Variants in ABI1 observed in about 807,000 individuals in gnomAD.
ABI1 encodes Abelson interactor 1.
ABI1 carries 14 observed loss-of-function variants against 54.6 expected under a neutral mutation model. The ratio of observed to expected loss-of-function variants is 0.26; its 90% CI spans 0.17 to 0.40. The LOEUF is 0.40. Ranked by LOEUF, ABI1 falls within the 10% of genes least tolerant of loss-of-function variation. The probability of loss-of-function intolerance (pLI) is 1.00; values close to 1 mark genes in which losing one functional copy is unlikely to be tolerated. For synonymous variants in ABI1, 194 were observed against 209.3 expected (o/e 0.93, Z 0.63); for missense variants, 443 against 598.3 (o/e 0.74, Z 2.71).
intron 1 of ABI1, among the ~76,000 whole-genome samples, chr10:26,828,013 C>A (rs1478354181): frequency 2.6e-5 from 4 of 152,230 alleles, no homozygotes; most frequent in African/African-American, 7.2e-5. Context: ...TAACGTTTGG[C>A]CTATCTCAGC....
At chr10:26,772,474 T>A (rs1417430929) in intron 3 of ABI1, among the ~76,000 whole-genome samples, 2 of 152,078 alleles carry the variant, frequency 1.3e-5, no homozygotes, top group Admixed American at 6.6e-5. Flanking sequence ...AACAAAAAAA[T>A]TAGCATTCAA....
intron 7 of ABI1, chr10:26,763,993 A>G (rs1839578772): frequency 1.3e-6 from 2 of 1,534,172 alleles, no homozygotes; most frequent in Non-Finnish European, 1.8e-6. Flanking sequence ...AGGTCAGAGT[A>G]CAAGAAAAGA....
chr10:26,758,609 C>T (rs757176137), intron 8 of ABI1, among the ~76,000 whole-genome samples: 5 of 152,102 alleles, frequency 3.3e-5, no homozygotes, highest in African/African-American at 4.8e-5. Flanking sequence ...GAACTCATTT[C>T]TGAACACGTT....
intron 6 of ABI1, 142 bp from the exon 7 acceptor site, chr10:26,765,460 C>T (rs919072349): frequency 7.7e-6 from 5 of 649,314 alleles, no homozygotes; most frequent in Non-Finnish European, 1.3e-5. Flanking sequence ...TTTCAAGAGC[C>T]CCCTTGGATA....
At chr10:26,766,159 T>G (rs1326347655) in intron 6 of ABI1, among the ~76,000 whole-genome samples, 1 of 152,168 alleles carries the variant, frequency 6.6e-6, no homozygotes, top group Non-Finnish European at 1.5e-5. Context: ...TTCTGGAAAA[T>G]AAGCATAACG....
Position 26,860,484 on chromosome 10 carries a change from G to A in ABI1, c.117+263C>T, listed in dbSNP as rs1589116868. Among the ~76,000 whole-genome samples the A allele has an allele frequency of 5.3e-5, 8 of 152,322 alleles. No individual in the cohort carries two copies. The East Asian group carries it at 1.5e-3, about 29-fold the overall frequency. On this transcript the variant is annotated intron_variant, in intron 1 of 10. Transcript: ENST00000376140. The surrounding 1 kb of genome is among the most constrained non-coding windows in gnomAD (Gnocchi z 4.1). The stretch of plus-strand genomic sequence containing the variant: ...AGGGGGGCGCCGGGCTGCGGCAGCG[G>A]CGGGCTCCCGGCTCCCTCGCCCATT...
At chr10:26,770,772 C>G (rs1169859613) in intron 4 of ABI1, among the ~76,000 whole-genome samples, 1 of 152,130 alleles carries the variant, frequency 6.6e-6, no homozygotes, top group Admixed American at 6.5e-5. Context: ...CATATGATGT[C>G]TGGGAAACCT....
rs962033355 is a variant in ABI1, at chr10:26,860,751, A to G, written c.113T>C (p.Ile38Thr). 1 of 1,612,170 alleles carries G rather than the reference A, an allele frequency of 6.2e-7. No individual in the cohort carries two copies. The highest frequency in any genetic ancestry group is 8.5e-7 in the Non-Finnish European group (1 of 1,178,466). ...RVADYCENNY[I>T]QATDKRKALE... is the part of the protein sequence containing the mutation. ...CCGGCCGCCAGAGCGCCTCACCTGT[A>G]TGTAGTTGTTTTCACAGTAGTCTGC... The change falls in exon 1 of 11, where the codon ATA becomes ACA. Residue 38 changes from isoleucine (I) to threonine (T), a missense_variant. Transcript: ENST00000376140. The surrounding 1 kb of genome is among the most constrained non-coding windows in gnomAD (Gnocchi z 4.1).
At chr10:26,849,560 T>C (rs543797576) in intron 1 of ABI1, among the ~76,000 whole-genome samples, 4 of 152,352 alleles carry the variant, frequency 2.6e-5, no homozygotes, top group African/African-American at 9.6e-5. Flanking sequence ...AACACCATTA[T>C]TACTTCAAAA....
intron 1 of ABI1, among the ~76,000 whole-genome samples, chr10:26,853,718 A>G (rs1256178495): frequency 6.6e-6 from 1 of 151,430 alleles, no homozygotes; most frequent in East Asian, 1.9e-4. Flanking sequence ...TTGTTTCTGT[A>G]TTTTTAGTAG....
chr10:26,832,417 T>C (rs769054128), intron 1 of ABI1, among the ~76,000 whole-genome samples: 4 of 151,342 alleles, frequency 2.6e-5, no homozygotes, highest in Non-Finnish European at 4.4e-5. Context: ...CCTATCTCTA[T>C]TAAAAAATAC....
At chr10:26,848,311 T>C (rs2050142123) in intron 1 of ABI1, among the ~76,000 whole-genome samples, 1 of 151,868 alleles carries the variant, frequency 6.6e-6, no homozygotes, top group Admixed American at 6.6e-5. Flanking sequence ...ACATCTAATT[T>C]GGAACATACT....
chr10:26,829,128 A>G (rs1251797863), intron 1 of ABI1, among the ~76,000 whole-genome samples: 5 of 151,938 alleles, frequency 3.3e-5, no homozygotes, highest in African/African-American at 1.2e-4. Flanking sequence ...CGGGAGGCTG[A>G]GGCAGGAGAA....
At chr10:26,858,944 A>C (rs968291133) in intron 1 of ABI1, among the ~76,000 whole-genome samples, 7 of 152,200 alleles carry the variant, frequency 4.6e-5, no homozygotes, top group African/African-American at 1.7e-4. Flanking sequence ...CTTTTCTGGA[A>C]AGCGAGAAAT....
At chr10:26,770,966 C>A in intron 4 of ABI1, 109 bp downstream of exon 4, 1 of 1,110,302 alleles carries the variant, frequency 9.0e-7, no homozygotes, top group Admixed American at 1.8e-5. Flanking sequence ...ATAAATCCTA[C>A]AGGGAAAAGC....
intron 1 of ABI1, among the ~76,000 whole-genome samples, chr10:26,851,242 CT>C (rs1347046705): frequency 2.6e-5 from 4 of 151,868 alleles, no homozygotes; most frequent in African/African-American, 7.2e-5. Flanking sequence ...GTTGCCCAGG[CT>C]GGAGTGCAGT....
chr10:26,808,656 GA>G (rs1006483515), intron 2 of ABI1, among the ~76,000 whole-genome samples: 33 of 152,216 alleles, frequency 2.2e-4, no homozygotes, highest in African/African-American at 7.7e-4. Flanking sequence ...GCAGGAGGCA[GA>G]GGTTGCAGTG....
At chr10:26,791,975 T>A (rs1843526251) in intron 2 of ABI1, among the ~76,000 whole-genome samples, 1 of 152,086 alleles carries the variant, frequency 6.6e-6, no homozygotes, top group Non-Finnish European at 1.5e-5. Context: ...TCTTAGAAAT[T>A]ATAATGCTGA....
chr10:26,799,310 T>C (rs988945167), intron 2 of ABI1, among the ~76,000 whole-genome samples: 1 of 152,072 alleles, frequency 6.6e-6, no homozygotes, highest in African/African-American at 2.4e-5. Context: ...GAAAAGATTC[T>C]TAGAGGCAGA....
Sources: gnomAD v4.1 joint callset for allele counts (sites outside exome capture counted in the v4.1 genomes callset) on GRCh38, gnomAD v4.1.1 for gene constraint, Gnocchi (gnomAD v3.1) non-coding constraint, MANE v1.5 for transcripts, NCBI Gene and HGNC (gene_info 2026-07-23, HGNC 2026-07-21) for gene names.